FSTL4: variants seen among roughly 807,000 people sequenced by gnomAD.
The protein encoded by FSTL4 is follistatin like 4.
FSTL4 carries 28 observed loss-of-function variants against 78.2 expected under a neutral mutation model. The ratio of observed to expected loss-of-function variants is 0.36; its 90% CI spans 0.27 to 0.49. The LOEUF (loss-of-function observed/expected upper bound fraction) is 0.49, where lower values mean the gene tolerates loss of function less well. FSTL4 is among the 20% of genes least tolerant of loss of function. FSTL4 has a pLI of 0.98. For synonymous variants in FSTL4, 422 were observed against 440.5 expected (o/e 0.96, Z 0.53); for missense variants, 922 against 1,084.9 (o/e 0.85, Z 2.11).
intron 6 of FSTL4, among the ~76,000 whole-genome samples, chr5:133,292,640 A>G (rs1054061386): frequency 2.6e-5 from 4 of 152,178 alleles, no homozygotes; most frequent in Non-Finnish European, 5.9e-5. Flanking sequence ...CCCATTAAAA[A>G]AAACCTTCAT....
At chr5:133,766,489 T>G in the FSTL4 span, among the ~76,000 whole-genome samples, 1 of 152,216 alleles carries the variant, frequency 6.6e-6, no homozygotes, top group Non-Finnish European at 1.5e-5. Flanking sequence ...TAATAAATGA[T>G]TCACTGAATT....
chr5:133,484,496 TA>T (rs1320162324), intron 3 of FSTL4, among the ~76,000 whole-genome samples: 6 of 152,234 alleles, frequency 3.9e-5, no homozygotes, highest in African/African-American at 9.6e-5. Flanking sequence ...CTCTTACATT[TA>T]CAAGAATCAT....
intron 6 of FSTL4, among the ~76,000 whole-genome samples, chr5:133,307,765 C>T (rs10479037): frequency 0.029 from 4,280 of 149,314 alleles, 200 homozygotes; most frequent in African/African-American, 0.1. Flanking sequence ...AGACTCACAC[C>T]TTCTGTCTCC....
chr5:133,631,412 C>T, the FSTL4 span, among the ~76,000 whole-genome samples: 9 of 152,156 alleles, frequency 5.9e-5, no homozygotes, highest in East Asian at 1.9e-4. Flanking sequence ...CATCATCACT[C>T]GTCATTAGAG....
the FSTL4 span, among the ~76,000 whole-genome samples, chr5:133,826,895 T>C: frequency 6.6e-6 from 1 of 152,342 alleles, no homozygotes; most frequent in African/African-American, 2.4e-5. Context: ...TGTCTTTTCT[T>C]AGGATGTCAC....
intron 14 of FSTL4, among the ~76,000 whole-genome samples, chr5:133,205,972 T>C (rs1750487951): frequency 6.6e-6 from 1 of 152,254 alleles, no homozygotes; most frequent in African/African-American, 2.4e-5. Flanking sequence ...GTTTTCATCC[T>C]GGACTCTATT....
chr5:133,313,643 G>T (rs1003894055), intron 5 of FSTL4, among the ~76,000 whole-genome samples: 2 of 151,970 alleles, frequency 1.3e-5, no homozygotes, highest in African/African-American at 4.8e-5. Context: ...TGGGGGGAGG[G>T]GGGCAGAGGC....
At chr5:133,566,973 C>T (rs1436731905) in intron 3 of FSTL4, among the ~76,000 whole-genome samples, 1 of 152,208 alleles carries the variant, frequency 6.6e-6, no homozygotes, top group Non-Finnish European at 1.5e-5. Flanking sequence ...ACCTCTGGTA[C>T]TTGAAGGTAG....
chr5:133,805,331 C>T, the FSTL4 span, among the ~76,000 whole-genome samples: 1 of 152,160 alleles, frequency 6.6e-6, no homozygotes, highest in Admixed American at 6.5e-5. Flanking sequence ...CTCCCTCCTT[C>T]AGCTGCATCA....
At chr5:133,241,216 T>C (rs1291341080) in intron 7 of FSTL4, among the ~76,000 whole-genome samples, 1 of 152,240 alleles carries the variant, frequency 6.6e-6, no homozygotes, top group Non-Finnish European at 1.5e-5. Flanking sequence ...TTTTGCTGTA[T>C]TAAACTTTAA....
intron 3 of FSTL4, among the ~76,000 whole-genome samples, chr5:133,422,947 G>A (rs1291788018): frequency 6.6e-6 from 1 of 152,206 alleles, no homozygotes; most frequent in Non-Finnish European, 1.5e-5. Flanking sequence ...AAGCCCCTCT[G>A]GGCTGAAGTG....
chr5:133,589,286 T>TAATAAAAAAAAA (rs1554072272), intron 2 of FSTL4, among the ~76,000 whole-genome samples: 1 of 80,380 alleles, frequency 1.2e-5, no homozygotes, highest in Non-Finnish European at 2.7e-5. Context: ...TAGAGTATAA[T>TAATAAAAAAAAA]AAAAAAAAAA....
the FSTL4 span, among the ~76,000 whole-genome samples, chr5:133,701,468 A>AACACACACACACACAC: frequency 2.3e-3 from 291 of 129,060 alleles, 3 homozygotes; most frequent in East Asian, 0.019. Flanking sequence ...AAGACACAGA[A>AACACACACACACACAC]ACACACACAC....
intron 3 of FSTL4, chr5:133,457,677 G>C (rs1213172898): frequency 6.6e-6 from 1 of 152,192 alleles, no homozygotes; most frequent in Non-Finnish European, 1.5e-5. Flanking sequence ...TGCACTGATG[G>C]GCTCCACCTA....
the FSTL4 span, among the ~76,000 whole-genome samples, chr5:133,751,064 G>T: frequency 2.0e-5 from 3 of 151,368 alleles, no homozygotes; most frequent in Non-Finnish European, 4.4e-5. Flanking sequence ...GCCACCCTAC[G>T]TGCACCCCAC....
At chr5:133,786,828 T>C in the FSTL4 span, among the ~76,000 whole-genome samples, 6,786 of 152,314 alleles carry the variant, frequency 0.045, 439 homozygotes, top group African/African-American at 0.15. Context: ...GACTGTTAAG[T>C]GTCAGGCACT....
intron 3 of FSTL4, among the ~76,000 whole-genome samples, chr5:133,464,230 C>T (rs1316283649): frequency 6.6e-6 from 1 of 152,178 alleles, no homozygotes; most frequent in Non-Finnish European, 1.5e-5. Context: ...TCTATCTGAG[C>T]GCAAATCCAC....
the FSTL4 span, among the ~76,000 whole-genome samples, chr5:133,806,680 G>A: frequency 6.6e-6 from 1 of 152,230 alleles, no homozygotes; most frequent in Non-Finnish European, 1.5e-5. Context: ...GAGCTGAGCG[G>A]ATGGAGGATA....
At chr5:133,592,971 T>C (rs964834545) in intron 2 of FSTL4, among the ~76,000 whole-genome samples, 34 of 152,272 alleles carry the variant, frequency 2.2e-4, no homozygotes, top group African/African-American at 7.5e-4. Context: ...CCACAATCAA[T>C]TGGACCAGGA....
Sources: gnomAD v4.1 joint callset for allele counts (sites outside exome capture counted in the v4.1 genomes callset) on GRCh38, gnomAD v4.1.1 for gene constraint, MANE v1.5 for transcripts, NCBI Gene and HGNC (gene_info 2026-07-23, HGNC 2026-07-21) for gene names.